Variants in FAM228B observed in about 807,000 individuals in gnomAD.
FAM228B encodes protein FAM228B.
In FAM228B, 38 loss-of-function variants were observed where a neutral mutation model predicts 42.6. That is an observed-to-expected ratio of 0.89 (90% CI 0.69 to 1.17). The LOEUF is 1.17. Ranked by LOEUF, FAM228B falls within the 50% of genes most tolerant of loss-of-function variation. The pLI is 0.00. For synonymous variants in FAM228B, 109 were observed against 122.3 expected (o/e 0.89, Z 0.72); for missense variants, 344 against 367.3 (o/e 0.94, Z 0.52).
chr2:24,093,426 T>A (rs963295222), intron 2 of FAM228B, among the ~76,000 whole-genome samples: 2 of 152,138 alleles, frequency 1.3e-5, no homozygotes, highest in African/African-American at 4.8e-5. Flanking sequence ...CCTGTGTTAG[T>A]TTGCTGAGGA....
chr2:24,126,441 A>C (rs1666310444), intron 2 of FAM228B, among the ~76,000 whole-genome samples: 1 of 152,170 alleles, frequency 6.6e-6, no homozygotes, highest in East Asian at 1.9e-4. Flanking sequence ...TTAATGACTG[A>C]TTATGAGCAT....
Position 24,146,811 on chromosome 2 carries a change from A to G in FAM228B, c.505A>G (p.Arg169Gly), listed in dbSNP as rs934481224. ...ACAATATGACAAGGATAACGAAAAA[A>G]GAACTCTTCTTCAGTGTGAGACTGG... is the stretch of plus-strand genomic sequence containing the variant. Reference protein sequence around the residue: ...KAQYDKDNEKRTLLQCETGKI... With the variant: ...KAQYDKDNEKGTLLQCETGKI... Residue 169 changes from arginine to glycine, a missense_variant, in exon 6 of 11, where the codon AGA becomes GGA. Arg to Gly is a moderately radical substitution (Grantham distance 125). Transcript: ENST00000615575. 5.2e-6 allele frequency: 8 copies of G among 1,549,558 alleles called. No individual in the cohort carries two copies. The South Asian group carries it at 7.1e-5, about 14-fold the overall frequency.
chr2:24,115,605 TA>T (rs1398513398), intron 3 of FAM228B: 4 of 1,612,672 alleles, frequency 2.5e-6, no homozygotes, highest in Non-Finnish European at 3.4e-6. Flanking sequence ...TTTTCTTAGG[TA>T]GTCTCCTGAA....
chr2:24,138,046 TA>T lies in FAM228B; in HGVS notation c.313del (p.Arg105GlyfsTer6). 4 of 1,542,934 alleles carry T rather than the reference TA, an allele frequency of 2.6e-6. No homozygotes were observed. The highest frequency in any genetic ancestry group is 4.1e-5 in the Admixed American group (2 of 48,304). On this transcript the variant is annotated frameshift_variant, in exon 4 of 11. Transcript: ENST00000615575. LOFTEE classifies it high-confidence loss of function. ...IEKVCSHKKI[K>X]KRRQGELDGF... ...AAAAAGTTTGCTCACATAAGAAGAT[TA>T]AAAAAAGGAGGCAAGGGGAATTAGA...
At chr2:24,083,723 G>A (rs546810418) in intron 2 of FAM228B, among the ~76,000 whole-genome samples, 1 of 152,288 alleles carries the variant, frequency 6.6e-6, no homozygotes, top group South Asian at 2.1e-4. Flanking sequence ...TAAGAGTACT[G>A]CCCGCTGTCA....
At chr2:24,100,718 A>C (rs1340111311) in intron 3 of FAM228B, among the ~76,000 whole-genome samples, 2 of 152,216 alleles carry the variant, frequency 1.3e-5, no homozygotes, top group Non-Finnish European at 2.9e-5. Context: ...TTCCTCAAGG[A>C]TCTAGAACTA....
chr2:24,147,877 G>A (rs1328866908), intron 7 of FAM228B, among the ~76,000 whole-genome samples: 1 of 144,394 alleles, frequency 6.9e-6, no homozygotes, highest in African/African-American at 2.6e-5. Flanking sequence ...TAGTTCTCTT[G>A]ATTGCTTTAT....
Position 24,077,578 on chromosome 2 carries a change from T to G in FAM228B, c.-290+609T>G. 2 of 1,527,104 alleles carry G rather than the reference T, an allele frequency of 1.3e-6. No homozygotes were observed. Among genetic ancestry groups the G allele is most frequent in the Non-Finnish European group, 1.8e-6 (2 of 1,125,746 alleles). The allele number at this position is 1,527,104 out of a possible 1,614,324, so 94.6% of individuals were successfully genotyped here. On this transcript the variant is annotated intron_variant, in intron 1 of 10. Coordinates refer to the FAM228B transcript ENST00000613899. The surrounding 1 kb of genome is among the most constrained non-coding windows in gnomAD (Gnocchi z 5.5). The stretch of plus-strand genomic sequence containing the variant: ...CGCGTCCTGTCCTGCCCCATCCTCC[T>G]TCACTGGGGCAGTTCCAGGACGATC...
At chr2:24,107,121 G>T (rs1049202039) in intron 3 of FAM228B, among the ~76,000 whole-genome samples, 3 of 152,046 alleles carry the variant, frequency 2.0e-5, no homozygotes, top group Non-Finnish European at 4.4e-5. Flanking sequence ...AAAAGCAGGG[G>T]TTGCAATCAT....
At chr2:24,119,815 T>C, upstream of FAM228B, 1 of 615,704 alleles carries the variant, frequency 1.6e-6, no homozygotes, top group Non-Finnish European at 2.7e-6. Context: ...ACATATTCCG[T>C]ATATATTTTC....
intron 5 of FAM228B, among the ~76,000 whole-genome samples, chr2:24,140,154 AG>A (rs777036692): frequency 6.6e-6 from 1 of 152,176 alleles, no homozygotes; most frequent in Non-Finnish European, 1.5e-5. Context: ...AGCTGTAAAT[AG>A]CAGAGCACAG....
chr2:24,155,735 T>G (rs569718817), intron 7 of FAM228B, among the ~76,000 whole-genome samples: 27 of 151,650 alleles, frequency 1.8e-4, no homozygotes, highest in African/African-American at 6.5e-4. Context: ...GAGACAGGGT[T>G]TCACCGTGTT....
chr2:24,080,704 G>T lies in FAM228B; in HGVS notation c.-289-172G>T. ...GTACTAGAATTTGGCCAGGGCAGCT[G>T]TTGTGCACTTAGCAGAGGTAAGACT... On this transcript the variant is annotated intron_variant, in intron 1 of 10. Transcript: ENST00000613899. This position sits in a 1 kb window ranked among gnomAD's most constrained non-coding sequence, Gnocchi z 4.7. The T allele has an allele frequency of 7.8e-7, 1 of 1,281,108 alleles. No individual in the cohort carries two copies. The highest frequency in any genetic ancestry group is 1.1e-6 in the Non-Finnish European group (1 of 897,912). The allele number at this position is 1,281,108 out of a possible 1,614,324, so 79.4% of individuals were successfully genotyped here.
rs200231574 is a variant in FAM228B, at chr2:24,167,088, ATC to A, written c.933-537_933-536del. Among the ~76,000 whole-genome samples the A allele has an allele frequency of 1.9e-3, 294 of 152,316 alleles. 2 individuals are homozygous for A. The highest frequency in any genetic ancestry group is 0.017 in the East Asian group (89 of 5,182). On this transcript the variant is annotated intron_variant, in intron 9 of 10. Transcript: ENST00000615575. ...AGGTCTGGAGTAGGGGGGAAATCAT[ATC>A]TAATCAGCATTGTACAAAGAACATG...
At chr2:24,127,200 A>G (rs1271374393) in intron 2 of FAM228B, among the ~76,000 whole-genome samples, 2 of 152,150 alleles carry the variant, frequency 1.3e-5, no homozygotes, top group East Asian at 1.9e-4. Context: ...GTATCATACA[A>G]TATGTGGTCC....
chr2:24,098,270 A>G (rs1665541729), intron 3 of FAM228B, among the ~76,000 whole-genome samples: 1 of 152,220 alleles, frequency 6.6e-6, no homozygotes. Context: ...AGAAGGCAAG[A>G]AATAACTGAG....
At chr2:24,116,625 C>G (rs946886964) in intron 3 of FAM228B, among the ~76,000 whole-genome samples, 1 of 152,040 alleles carries the variant, frequency 6.6e-6, no homozygotes, top group African/African-American at 2.4e-5. Flanking sequence ...GAGGCTGAGG[C>G]GGGCAGATCA....
chr2:24,166,054 A>AAAAAAAATATATATATAT (rs56146407), intron 9 of FAM228B: 1 of 81,030 alleles, frequency 1.2e-5, no homozygotes, highest in East Asian at 4.4e-4. Flanking sequence ...AAAAAAAAAA[A>AAAAAAAATATATATATAT]ATATATATAT....
At position 24,167,534 on chromosome 2, in the gene FAM228B, T is replaced by C. The variant is rs1667453325; in HGVS notation, c.933-93T>C. The C allele has an allele frequency of 4.6e-6, 7 of 1,514,058 alleles. No individual in the cohort carries two copies. The Admixed American group carries it at 1.4e-4, about 30-fold the overall frequency. 93.8% of individuals were successfully genotyped at this position (1,514,058 alleles called of 1,614,324 possible). A position where few individuals can be genotyped will look rare whatever the true frequency, so the allele number is the denominator to read the frequency against. Reference sequence around the variant, plus strand: ...TCCTGCCCTGGGCATTCTCAGATAATAAACAGCCTCTGGTTATGAAGACAG... The same window carrying C: ...TCCTGCCCTGGGCATTCTCAGATAACAAACAGCCTCTGGTTATGAAGACAG... On this transcript the variant is annotated intron_variant, in intron 9 of 10. Coordinates refer to ENST00000615575, the MANE Select transcript of FAM228B (RefSeq NM_001145710.2).
Sources: gnomAD v4.1 joint callset for allele counts (sites outside exome capture counted in the v4.1 genomes callset) on GRCh38, gnomAD v4.1.1 for gene constraint, Gnocchi (gnomAD v3.1) non-coding constraint, MANE v1.5 for transcripts, NCBI Gene and HGNC (gene_info 2026-07-23, HGNC 2026-07-21) for gene names.